Variants in DMAC2L observed in about 807,000 individuals in gnomAD.
DMAC2L encodes ATP synthase subunit s, mitochondrial.
DMAC2L carries 21 observed loss-of-function variants against 22.5 expected under a neutral mutation model. That is an observed-to-expected ratio of 0.93 (90% CI 0.66 to 1.34). DMAC2L has a LOEUF of 1.34. Among genes scored for constraint, DMAC2L ranks in the 40% most tolerant of loss-of-function variants. DMAC2L has a pLI of 0.00. For synonymous variants in DMAC2L, 86 were observed against 89.5 expected (o/e 0.96, Z 0.22); for missense variants, 239 against 246.5 (o/e 0.97, Z 0.20).
At chr14:50,316,265 G>A (rs992343006) in intron 2 of DMAC2L, among the ~76,000 whole-genome samples, 3 of 151,750 alleles carry the variant, frequency 2.0e-5, no homozygotes, top group Non-Finnish European at 4.4e-5. Flanking sequence ...GTTTTTTTCT[G>A]CTAATTTGTT....
chr14:50,322,625 C>A lies in DMAC2L; in HGVS notation c.222C>A (p.Tyr74Ter), dbSNP rs2032373189. ...GCCAGGAGAGGTGGCAGAAGGACTA[C>A]AACCACCTTCCAACAGGCCCTCTGG... ...YHGQERWQKDYNHLPTGPLDK... is the reference protein window; with the variant it reads ...YHGQERWQKD The change falls in exon 4 of 6, where the codon TAC (tyrosine) becomes TAA (stop). Residue 74 changes from tyrosine (Y) to a stop codon, truncating the protein, a stop_gained. Transcript: ENST00000557421. LOFTEE classifies it high-confidence loss of function. 2 of 1,614,092 alleles carry A rather than the reference C, an allele frequency of 1.2e-6. No individual in the cohort carries two copies. The highest frequency in any genetic ancestry group is 1.7e-6 in the Non-Finnish European group (2 of 1,180,050).
chr14:50,316,050 C>T (rs2031772532), intron 2 of DMAC2L, among the ~76,000 whole-genome samples: 1 of 152,164 alleles, frequency 6.6e-6, no homozygotes, highest in Non-Finnish European at 1.5e-5. Flanking sequence ...TCCCTTTACA[C>T]CATATCCACG....
chr14:50,313,021 ATGTGC>A (rs1277698628), intron 1 of DMAC2L: 1 of 1,614,160 alleles, frequency 6.2e-7, no homozygotes, highest in African/African-American at 1.3e-5. Flanking sequence ...ACAGTTTTAA[ATGTGC>A]TGTGCGGTCT....
chr14:50,324,180 T>C (rs987256613), intron 5 of DMAC2L, 64 bp downstream of exon 5: 15 of 1,487,518 alleles, frequency 1.0e-5, no homozygotes, highest in Non-Finnish European at 1.3e-5. Flanking sequence ...TAGAATTTAA[T>C]TGACTGTGAG....
rs1204738461 is a variant in DMAC2L, at chr14:50,321,466, C to T, written c.-5-17C>T. On this transcript the variant is annotated splice_polypyrimidine_tract_variant and intron_variant, in intron 2 of 5. Coordinates refer to ENST00000557421, the MANE Select transcript of DMAC2L (RefSeq NM_001382507.1). ...CTCGGATGATGATCTAATGTAAGTACTGTTTTGTGTGTCTAGATCAAATGA... is the reference window on the plus strand; with the variant it reads ...CTCGGATGATGATCTAATGTAAGTATTGTTTTGTGTGTCTAGATCAAATGA... 2 of 1,612,900 alleles carry T rather than the reference C, an allele frequency of 1.2e-6. No individual in the cohort carries two copies. Among genetic ancestry groups the T allele is most frequent in the South Asian group, 2.2e-5 (2 of 91,014 alleles).
chr14:50,320,481 G>A (rs1039952338), intron 2 of DMAC2L, among the ~76,000 whole-genome samples: 2 of 152,144 alleles, frequency 1.3e-5, no homozygotes, highest in Non-Finnish European at 2.9e-5. Context: ...TGTGCAAGTT[G>A]CCTGCCTCTT....
At chr14:50,311,640 T>G (rs1047393943), upstream of DMAC2L, among the ~76,000 whole-genome samples, 1 of 152,176 alleles carries the variant, frequency 6.6e-6, no homozygotes, top group Non-Finnish European at 1.5e-5. Flanking sequence ...GCATATTTGA[T>G]TGCTTATACT....
intron 2 of DMAC2L, among the ~76,000 whole-genome samples, chr14:50,316,072 T>G (rs1189096522): frequency 6.6e-6 from 1 of 151,476 alleles, no homozygotes; most frequent in Non-Finnish European, 1.5e-5. Context: ...CAACATCTAT[T>G]TTTTTTTAAT....
At chr14:50,321,295 C>G (rs1185805025) in intron 2 of DMAC2L, 188 bp from the exon 3 acceptor site, 1 of 1,170,384 alleles carries the variant, frequency 8.5e-7, no homozygotes, top group Non-Finnish European at 1.1e-6. Flanking sequence ...CAGTCCAACC[C>G]CTCATTTTTT....
chr14:50,316,989 T>C (rs1203011638), intron 2 of DMAC2L, among the ~76,000 whole-genome samples: 1 of 152,182 alleles, frequency 6.6e-6, no homozygotes, highest in East Asian at 1.9e-4. Flanking sequence ...GAATCTGCAA[T>C]GAACTTGAAG....
intron 2 of DMAC2L, among the ~76,000 whole-genome samples, chr14:50,316,411 A>G (rs936404046): frequency 5.9e-5 from 9 of 152,008 alleles, no homozygotes; most frequent in African/African-American, 2.2e-4. Context: ...AGTCCCAACT[A>G]TTTATCTTTG....
chr14:50,324,193 G>T (rs1471915752), intron 5 of DMAC2L, 77 bp downstream of exon 5: 1 of 1,414,462 alleles, frequency 7.1e-7, no homozygotes, highest in Non-Finnish European at 9.4e-7. Context: ...ACTGTGAGGG[G>T]TGGTGTCTTT....
Position 50,314,694 on chromosome 14 carries a change from T to C in DMAC2L, c.-6+68T>C. ...TTATGCTCTGTTGCCCAGGCTGGAG[T>C]GCAGTGGTGCAATCTCAACTCACTG... On this transcript the variant is annotated intron_variant, in intron 2 of 5. Coordinates refer to ENST00000557421, the MANE Select transcript of DMAC2L (RefSeq NM_001382507.1). 4 of 451,506 alleles carry C rather than the reference T, an allele frequency of 8.9e-6. No individual in the cohort carries two copies. The Admixed American group carries it at 9.5e-5, about 11-fold the overall frequency. 28.0% of individuals were successfully genotyped at this position (451,506 alleles called of 1,614,324 possible).
upstream of DMAC2L, chr14:50,312,162 G>C (rs2031269822): frequency 1.2e-6 from 2 of 1,608,900 alleles, no homozygotes; most frequent in Non-Finnish European, 1.7e-6. Flanking sequence ...CCCTACGCAC[G>C]CTCCCCTCCC....
upstream of DMAC2L, chr14:50,312,212 G>A (rs1787899383): frequency 3.8e-6 from 6 of 1,590,452 alleles, no homozygotes; most frequent in Non-Finnish European, 4.3e-6. Flanking sequence ...CCACGGCCGA[G>A]GACCCGCGCT....
rs143082410 is a variant in DMAC2L, at chr14:50,321,327, C to T, written c.-5-156C>T. The T allele has an allele frequency of 5.4e-3, 7,191 of 1,336,506 alleles. 25 individuals carry two copies. Among genetic ancestry groups the T allele is most frequent in the Non-Finnish European group, 6.4e-3 (6,614 of 1,036,200 alleles). 82.8% of individuals were successfully genotyped at this position (1,336,506 alleles called of 1,614,324 possible). A position where few individuals can be genotyped will look rare whatever the true frequency, so the allele number is the denominator to read the frequency against. On this transcript the variant is annotated intron_variant, in intron 2 of 5. Transcript: ENST00000557421. ...TTTTTGCAGCAAACAAATAAAAAAC[C>T]CCAAGAACAAGAAACAGGAGTGACT...
Position 50,325,933 on chromosome 14 carries a change from T to C in DMAC2L, c.*210T>C, listed in dbSNP as rs1381635654. The C allele has an allele frequency of 8.4e-7, 1 of 1,187,844 alleles. No homozygotes were observed. Among genetic ancestry groups the C allele is most frequent in the Non-Finnish European group, 1.0e-6 (1 of 953,870 alleles). The allele number at this position is 1,187,844 out of a possible 1,614,324, so 73.6% of individuals were successfully genotyped here. A position where few individuals can be genotyped will look rare whatever the true frequency, so the allele number is the denominator to read the frequency against. Reference sequence around the variant, plus strand: ...GTGAGAATTTATGAACATTAATTCATTTTAAGAAAAGTGCAGCCAGGCGCA... The same window carrying C: ...GTGAGAATTTATGAACATTAATTCACTTTAAGAAAAGTGCAGCCAGGCGCA... On this transcript the variant is annotated 3_prime_UTR_variant, in exon 6 of 6. Coordinates refer to ENST00000557421, the MANE Select transcript of DMAC2L (RefSeq NM_001382507.1).
upstream of DMAC2L, chr14:50,311,933 C>G: frequency 6.6e-7 from 1 of 1,524,290 alleles, no homozygotes; most frequent in Non-Finnish European, 8.8e-7. Context: ...GAAATACGAA[C>G]AGGGGCACAG....
At chr14:50,312,002 G>A (rs1355189948), upstream of DMAC2L, 9 of 1,557,506 alleles carry the variant, frequency 5.8e-6, no homozygotes, top group Non-Finnish European at 7.8e-6. Flanking sequence ...AGGACCAGCG[G>A]CCACTCACCT....
Sources: gnomAD v4.1 joint callset for allele counts (sites outside exome capture counted in the v4.1 genomes callset) on GRCh38, gnomAD v4.1.1 for gene constraint, MANE v1.5 for transcripts, NCBI Gene and HGNC (gene_info 2026-07-23, HGNC 2026-07-21) for gene names.